SNTG2: variants seen among roughly 807,000 people sequenced by gnomAD.
SNTG2 encodes gamma-2-syntrophin.
In SNTG2, 74 loss-of-function variants were observed where a neutral mutation model predicts 70.9. That is an observed-to-expected ratio of 1.04 (90% confidence interval 0.86 to 1.27). The LOEUF is 1.27. Ranked by LOEUF, SNTG2 falls within the 50% of genes most tolerant of loss-of-function variation. The probability of loss-of-function intolerance (pLI) is 0.00; values close to 1 mark genes in which losing one functional copy is unlikely to be tolerated. For synonymous variants in SNTG2, 278 were observed against 273.8 expected (o/e 1.02, Z -0.15); for missense variants, 717 against 690.7 (o/e 1.04, Z -0.43).
intron 6 of SNTG2, among the ~76,000 whole-genome samples, chr2:1,150,873 G>A (rs1158966366): frequency 2.0e-5 from 3 of 151,404 alleles, no homozygotes; most frequent in Non-Finnish European, 2.9e-5. Flanking sequence ...GACTTGCCTG[G>A]AGCTGGGCTC....
intron 1 of SNTG2, among the ~76,000 whole-genome samples, chr2:971,717 T>C (rs1660746165): frequency 6.6e-6 from 1 of 151,732 alleles, no homozygotes. Flanking sequence ...TTTCCTCCTT[T>C]TTTTTTTTCT....
intron 1 of SNTG2, among the ~76,000 whole-genome samples, chr2:1,015,386 A>G (rs1175868118): frequency 6.6e-6 from 1 of 152,236 alleles, no homozygotes; most frequent in Non-Finnish European, 1.5e-5. Flanking sequence ...TTATTTTTCA[A>G]AAACACACCA....
rs186981979 is a variant in SNTG2, at chr2:1,105,745, C to T, written c.325+7335C>T. Among the ~76,000 whole-genome samples, 44 of 152,310 alleles carry T rather than the reference C, an allele frequency of 2.9e-4. No homozygotes were observed. The East Asian group carries it at 4.3e-3, about 15-fold the overall frequency. ...AAATCATCCACGACTTCATTGCTTACGGAAAAGCCGAGGTGCAGGCTGGGC... is the reference window on the plus strand; with the variant it reads ...AAATCATCCACGACTTCATTGCTTATGGAAAAGCCGAGGTGCAGGCTGGGC... On this transcript the variant is annotated intron_variant, in intron 4 of 16. Coordinates refer to ENST00000308624, the MANE Select transcript of SNTG2 (RefSeq NM_018968.4).
chr2:1,275,922 G>A (rs1159344523), intron 14 of SNTG2, among the ~76,000 whole-genome samples: 1 of 152,178 alleles, frequency 6.6e-6, no homozygotes, highest in Non-Finnish European at 1.5e-5. Flanking sequence ...TACGAAGAAA[G>A]TTCTGAACAA....
chr2:986,067 T>TAG (rs10633277), intron 1 of SNTG2, among the ~76,000 whole-genome samples: 14,502 of 129,470 alleles, frequency 0.11, 955 homozygotes, highest in East Asian at 0.22. Flanking sequence ...CTGCAAATAA[T>TAG]AGAGAGAGAG....
intron 1 of SNTG2, among the ~76,000 whole-genome samples, chr2:1,017,536 C>T (rs1423186892): frequency 6.9e-6 from 1 of 144,574 alleles, no homozygotes; most frequent in African/African-American, 2.5e-5. Flanking sequence ...TATGCATATC[C>T]ACACAGGCAG....
intron 4 of SNTG2, among the ~76,000 whole-genome samples, chr2:1,127,493 T>G (rs1275871791): frequency 6.6e-6 from 1 of 152,176 alleles, no homozygotes; most frequent in Non-Finnish European, 1.5e-5. Flanking sequence ...CTGTGAAGAA[T>G]GTCATTGGTA....
At chr2:1,098,655 T>C (rs1665555812) in intron 4 of SNTG2, among the ~76,000 whole-genome samples, 1 of 152,198 alleles carries the variant, frequency 6.6e-6, no homozygotes, top group South Asian at 2.1e-4. Flanking sequence ...AGGTATCAGG[T>C]TATCCCCCCT....
chr2:1,144,548 G>A (rs1226332107), intron 6 of SNTG2, among the ~76,000 whole-genome samples: 1 of 152,142 alleles, frequency 6.6e-6, no homozygotes, highest in African/African-American at 2.4e-5. Context: ...CTGAGACTAG[G>A]TAATTTATAA....
chr2:1,332,559 TCAACATAATATGCCAATTAAATC>T (rs1448550256), intron 16 of SNTG2, among the ~76,000 whole-genome samples: 4 of 152,220 alleles, frequency 2.6e-5, no homozygotes, highest in African/African-American at 9.6e-5. Context: ...CTAATTAAAT[TCAACATAATATGCCAATTAAATC>T]CAACAGCATA....
In SNTG2 at chr2:1,353,957, T is replaced by TCTC. The variant is rs1220637089; in HGVS notation, c.1489-13384_1489-13382dup. ...AAAGAGTGGGAAAGAAAAAACGTTT[T>TCTC]CTCCGGTGATGGGTGACCTCACCGT... On this transcript the variant is annotated intron_variant, in intron 16 of 16. Coordinates refer to ENST00000308624, the MANE Select transcript of SNTG2 (RefSeq NM_018968.4). The surrounding 1 kb of genome is among the most constrained non-coding windows in gnomAD (Gnocchi z 4.2). 6.6e-6 allele frequency: 1 copy of TCTC among 152,124 alleles called. No individual in the cohort carries two copies. The highest frequency in any genetic ancestry group is 6.5e-5 in the Admixed American group (1 of 15,276). 9.4% of individuals were successfully genotyped at this position (152,124 alleles called of 1,614,324 possible). A position where few individuals can be genotyped will look rare whatever the true frequency, so the allele number is the denominator to read the frequency against.
In SNTG2 at chr2:1,078,403, G is replaced by A. The variant is rs1664065106; in HGVS notation, c.73-5115G>A. Among the ~76,000 whole-genome samples the A allele has an allele frequency of 2.6e-5, 4 of 152,206 alleles. No homozygotes were observed. In the South Asian group the frequency reaches 8.3e-4, roughly 32 times the overall value. On this transcript the variant is annotated intron_variant, in intron 1 of 16. Transcript: ENST00000308624. ...GAAGCTGCCGAGGAGGGGACTCTCAGCCCAGACCCCAGGACATGAGGATGC... is the reference window on the plus strand; with the variant it reads ...GAAGCTGCCGAGGAGGGGACTCTCAACCCAGACCCCAGGACATGAGGATGC...
At chr2:1,067,855 C>A (rs370091222) in intron 1 of SNTG2, among the ~76,000 whole-genome samples, 1 of 152,154 alleles carries the variant, frequency 6.6e-6, no homozygotes, top group Non-Finnish European at 1.5e-5. Context: ...GGCTTCTGTA[C>A]GCAAACCCCA....
chr2:1,229,995 A>G (rs1676098039), intron 9 of SNTG2, among the ~76,000 whole-genome samples: 2 of 152,144 alleles, frequency 1.3e-5, no homozygotes, highest in Admixed American at 1.3e-4. Flanking sequence ...CCTCCCTGCA[A>G]GCTGAGGGAG....
chr2:1,039,775 T>A (rs1176933287), intron 1 of SNTG2, among the ~76,000 whole-genome samples: 2 of 152,150 alleles, frequency 1.3e-5, no homozygotes, highest in Non-Finnish European at 1.5e-5. Context: ...GTGCAGCTGC[T>A]CCTAATAACA....
intron 4 of SNTG2, among the ~76,000 whole-genome samples, chr2:1,121,698 C>T (rs4525727): frequency 0.41 from 62,497 of 151,952 alleles, 13,502 homozygotes; most frequent in Non-Finnish European, 0.49. Context: ...CTAGCTACCA[C>T]TTGTAGAACC....
At chr2:1,321,873 CCTCCTTCCTT>C in intron 16 of SNTG2, among the ~76,000 whole-genome samples, 1 of 110,648 alleles carries the variant, frequency 9.0e-6, no homozygotes, top group East Asian at 7.7e-4. Flanking sequence ...TTTCTTCCTC[CCTCCTTCCTT>C]CCTTCCTTTC....
chr2:1,073,568 G>T (rs915613782), intron 1 of SNTG2, among the ~76,000 whole-genome samples: 12 of 152,182 alleles, frequency 7.9e-5, no homozygotes, highest in African/African-American at 2.7e-4. Flanking sequence ...TGTGTGACTT[G>T]CATTATCGCA....
chr2:1,014,925 A>G (rs1340644750), intron 1 of SNTG2, among the ~76,000 whole-genome samples: 1 of 152,070 alleles, frequency 6.6e-6, no homozygotes, highest in African/African-American at 2.4e-5. Context: ...AGAACTGGCT[A>G]GAACCCGAGG....
Sources: allele counts gnomAD v4.1 joint callset (sites outside exome capture counted in the v4.1 genomes callset), GRCh38; gene constraint gnomAD v4.1.1; non-coding constraint Gnocchi (gnomAD v3.1); transcripts MANE v1.5; gene names NCBI Gene and HGNC (gene_info 2026-07-23, HGNC 2026-07-21).